Variants in LRRC4B observed in about 807,000 individuals in gnomAD.
LRRC4B encodes the protein leucine rich repeat containing 4B, also known as leucine-rich repeat-containing protein 4B.
In LRRC4B, 1 loss-of-function variant was observed where a neutral mutation model predicts 7.3. The observed-to-expected ratio is 0.14, with a 90% CI of 0.05 to 0.65. The LOEUF (loss-of-function observed/expected upper bound fraction) is 0.65, where lower values mean the gene tolerates loss of function less well. Among genes scored for constraint, LRRC4B ranks in the 30% least tolerant of loss-of-function variants. The pLI is 0.84. For synonymous variants in LRRC4B, 500 were observed against 499.2 expected (o/e 1.00, Z -0.02); for missense variants, 730 against 1,041.6 (o/e 0.70, Z 4.12).
At chr19:50,534,802 A>G (rs1568723745) in intron 2 of LRRC4B, among the ~76,000 whole-genome samples, 1 of 152,242 alleles carries the variant, frequency 6.6e-6, no homozygotes, top group Non-Finnish European at 1.5e-5. Flanking sequence ...GAAATTCCTT[A>G]TTAAAAATGT....
intron 2 of LRRC4B, among the ~76,000 whole-genome samples, chr19:50,539,167 C>T (rs1023080683): frequency 6.6e-5 from 10 of 152,330 alleles, no homozygotes; most frequent in African/African-American, 9.6e-5. Context: ...CGTGAGCCAC[C>T]GTGCCCGGCC....
chr19:50,524,235 G>C (rs905491631), intron 2 of LRRC4B, among the ~76,000 whole-genome samples: 1 of 150,832 alleles, frequency 6.6e-6, no homozygotes, highest in Non-Finnish European at 1.5e-5. Flanking sequence ...GTGAACACGT[G>C]TGTAATGTTT....
rs906672628 is a variant in LRRC4B, at chr19:50,553,927, C to A, written c.-35-5054G>T. Among the ~76,000 whole-genome samples, 1 of 152,042 alleles carries A rather than the reference C, an allele frequency of 6.6e-6. No homozygotes were observed. Among genetic ancestry groups the A allele is most frequent in the Admixed American group, 6.6e-5 (1 of 15,248 alleles). On this transcript the variant is annotated intron_variant, in intron 1 of 2. Transcript: ENST00000652263. This position sits in a 1 kb window ranked among gnomAD's most constrained non-coding sequence, Gnocchi z 4.2. ...ATAGCTGCACAATGCAGGCTCCCAG[C>A]CCTGGACACCCTCGGTCCCCAGGTC... is the stretch of plus-strand genomic sequence containing the variant.
At chr19:50,526,790 T>C (rs1274696) in intron 2 of LRRC4B, among the ~76,000 whole-genome samples, 18,575 of 152,166 alleles carry the variant, frequency 0.12, 1,637 homozygotes, top group East Asian at 0.42. Flanking sequence ...ATGTTAATCA[T>C]TTGGCACATC....
At chr19:50,540,122 G>A (rs1599772680) in intron 2 of LRRC4B, among the ~76,000 whole-genome samples, 1 of 152,212 alleles carries the variant, frequency 6.6e-6, no homozygotes, top group South Asian at 2.1e-4. Context: ...ATTTCCCCAT[G>A]TCATCCACTA....
chr19:50,545,949 C>T (rs184028589), intron 2 of LRRC4B, among the ~76,000 whole-genome samples: 456 of 151,906 alleles, frequency 3.0e-3, no homozygotes, highest in African/African-American at 0.01. Flanking sequence ...GTCTTGAACT[C>T]CTGGGCTCAA....
At chr19:50,550,228 G>A (rs184199141) in intron 1 of LRRC4B, among the ~76,000 whole-genome samples, 18 of 152,222 alleles carry the variant, frequency 1.2e-4, no homozygotes, top group Admixed American at 7.8e-4. Flanking sequence ...CCGGGAGGGC[G>A]CAGAGGGGGT....
At position 50,537,710 on chromosome 19, in the gene LRRC4B, A is replaced by G. The variant is rs1215997125; in HGVS notation, c.297+10832T>C. On this transcript the variant is annotated intron_variant, in intron 2 of 2. Transcript: ENST00000652263. This position sits in a 1 kb window ranked among gnomAD's most constrained non-coding sequence, Gnocchi z 5.5. ...TTCTGTAAGTGTGCTGTGAGTCATC[A>G]TGAGAAAAAGTTAAGAAGAAACTGA... 6.6e-6 allele frequency among the ~76,000 whole-genome samples: 1 copy of G among 151,984 alleles called. No individual in the cohort carries two copies. Among genetic ancestry groups the G allele is most frequent in the Admixed American group, 6.6e-5 (1 of 15,264 alleles).
chr19:50,565,559 G>A (rs966224463), intron 1 of LRRC4B, among the ~76,000 whole-genome samples: 1 of 140,442 alleles, frequency 7.1e-6, no homozygotes, highest in African/African-American at 2.6e-5. Context: ...GTGTGTGTGT[G>A]TGTACCTGCC....
At chr19:50,552,469 A>G (rs1414844266) in intron 1 of LRRC4B, among the ~76,000 whole-genome samples, 1 of 152,084 alleles carries the variant, frequency 6.6e-6, no homozygotes, top group Non-Finnish European at 1.5e-5. Context: ...CCTTAGCCAG[A>G]TCCTGACATC....
chr19:50,546,908 CTCA>C (rs370708833), intron 2 of LRRC4B, among the ~76,000 whole-genome samples: 1 of 152,332 alleles, frequency 6.6e-6, no homozygotes, highest in African/African-American at 2.4e-5. Context: ...CCTTTTCCTC[CTCA>C]TTTCTTCCCC....
intron 2 of LRRC4B, among the ~76,000 whole-genome samples, chr19:50,522,832 C>A (rs1048991812): frequency 6.6e-6 from 1 of 152,208 alleles, no homozygotes; most frequent in African/African-American, 2.4e-5. Flanking sequence ...ACATTTCATT[C>A]TAGAAATTCC....
intron 2 of LRRC4B, among the ~76,000 whole-genome samples, chr19:50,521,097 A>G (rs977544785): frequency 3.7e-4 from 56 of 152,226 alleles, no homozygotes; most frequent in African/African-American, 1.1e-3. Context: ...CCCTGGATGA[A>G]TCTCTCAGCT....
rs538171265 is a variant in LRRC4B at position 50,556,405 on chromosome 19, C to G, written c.-35-7532G>C. Among the ~76,000 whole-genome samples, 1 of 152,166 alleles carries G rather than the reference C, an allele frequency of 6.6e-6. No individual in the cohort carries two copies. The highest frequency in any genetic ancestry group is 1.5e-5 in the Non-Finnish European group (1 of 68,022). On this transcript the variant is annotated intron_variant, in intron 1 of 2. Transcript: ENST00000652263. The surrounding 1 kb of genome is among the most constrained non-coding windows in gnomAD (Gnocchi z 4.2). The stretch of plus-strand genomic sequence containing the variant: ...CCACCCAGGCTCTTCCCATCCACAC[C>G]AGACCCGTTCCCCTGAGGGGACTTT...
At chr19:50,542,626 G>A (rs997088155) in intron 2 of LRRC4B, among the ~76,000 whole-genome samples, 8 of 151,848 alleles carry the variant, frequency 5.3e-5, no homozygotes, top group Admixed American at 4.6e-4. Context: ...ACAGGCATAC[G>A]CCACTATGCC....
intron 2 of LRRC4B, among the ~76,000 whole-genome samples, chr19:50,534,601 A>G (rs1177332735): frequency 6.6e-6 from 1 of 152,204 alleles, no homozygotes; most frequent in African/African-American, 2.4e-5. Context: ...AATGATGCAG[A>G]TGTGAATCCG....
chr19:50,521,279 G>A (rs892922332), intron 2 of LRRC4B, among the ~76,000 whole-genome samples: 3 of 152,106 alleles, frequency 2.0e-5, no homozygotes, highest in African/African-American at 7.2e-5. Context: ...GGTATCTGGG[G>A]CAGACAGGGA....
At chr19:50,524,727 A>T (rs1268791532) in intron 2 of LRRC4B, among the ~76,000 whole-genome samples, 1 of 152,204 alleles carries the variant, frequency 6.6e-6, no homozygotes, top group Non-Finnish European at 1.5e-5. Flanking sequence ...TACACTCTTT[A>T]TGGTGGAGCT....
intron 2 of LRRC4B, among the ~76,000 whole-genome samples, chr19:50,523,561 CCA>C: frequency 6.6e-6 from 1 of 151,850 alleles, no homozygotes; most frequent in South Asian, 2.1e-4. Flanking sequence ...GCCTGTAATC[CCA>C]GTTACTCGGG....
Sources: gnomAD v4.1 joint callset for allele counts (sites outside exome capture counted in the v4.1 genomes callset) on GRCh38, gnomAD v4.1.1 for gene constraint, Gnocchi (gnomAD v3.1) non-coding constraint, MANE v1.5 for transcripts, NCBI Gene and HGNC (gene_info 2026-07-23, HGNC 2026-07-21) for gene names.